RRAS2: variants seen among roughly 807,000 people sequenced by gnomAD.
RRAS2 encodes the protein RAS related 2.
In RRAS2, 7 loss-of-function variants were observed where a neutral mutation model predicts 27.6. That is an observed-to-expected ratio of 0.25 (90% CI 0.14 to 0.48). The LOEUF is 0.48. Among genes scored for constraint, RRAS2 ranks in the 20% least tolerant of loss-of-function variants. The pLI, the probability that RRAS2 is intolerant of heterozygous loss-of-function variation, is 0.99. For synonymous variants in RRAS2, 86 were observed against 90.9 expected (o/e 0.95, Z 0.31); for missense variants, 178 against 256.2 (o/e 0.69, Z 2.08).
intron 1 of RRAS2, among the ~76,000 whole-genome samples, chr11:14,310,057 T>C (rs1051935414): frequency 6.6e-6 from 1 of 152,214 alleles, no homozygotes; most frequent in Non-Finnish European, 1.5e-5. Flanking sequence ...GCCAGATCCG[T>C]GTTTACTTCC....
intron 1 of RRAS2, among the ~76,000 whole-genome samples, chr11:14,338,732 A>T (rs1484974496): frequency 6.6e-6 from 1 of 152,162 alleles, no homozygotes; most frequent in East Asian, 1.9e-4. Flanking sequence ...AACCACATTA[A>T]AAAGGGGTTT....
At chr11:14,331,194 G>A (rs945358791) in intron 1 of RRAS2, among the ~76,000 whole-genome samples, 1 of 152,170 alleles carries the variant, frequency 6.6e-6, no homozygotes, top group Non-Finnish European at 1.5e-5. Flanking sequence ...ACAAGTTTCT[G>A]TGAACCTAGA....
At chr11:14,344,577 A>G (rs2096578669) in intron 1 of RRAS2, among the ~76,000 whole-genome samples, 2 of 152,362 alleles carry the variant, frequency 1.3e-5, no homozygotes, top group African/African-American at 4.8e-5. Flanking sequence ...CTACCTGCTT[A>G]GCTTTCCTTT....
chr11:14,329,771 T>G (rs1848448068), intron 1 of RRAS2, among the ~76,000 whole-genome samples: 1 of 152,120 alleles, frequency 6.6e-6, no homozygotes, highest in East Asian at 1.9e-4. Context: ...CATTTTAAAT[T>G]AGGAAATTAA....
chr11:14,286,054 G>C (rs1849654414), intron 4 of RRAS2, among the ~76,000 whole-genome samples: 1 of 152,122 alleles, frequency 6.6e-6, no homozygotes, highest in South Asian at 2.1e-4. Flanking sequence ...AGACATTGTA[G>C]TTTTACTTCT....
chr11:14,359,674 T>C (rs1258648098), upstream of RRAS2, among the ~76,000 whole-genome samples: 1 of 152,208 alleles, frequency 6.6e-6, no homozygotes, highest in African/African-American at 2.4e-5. Context: ...GTGATTGAGC[T>C]TGCATGGGCA....
Position 14,358,785 on chromosome 11 carries a change from G to T in RRAS2, c.86C>A (p.Ala29Glu). ...VVGGGGVGKS[A>E]LTIQFIQSYF... is the part of the protein sequence containing the mutation. ...TACCTGGATGAACTGGATGGTGAGC[G>T]CCGACTTGCCCACGCCGCCCCCGCC... is the stretch of plus-strand genomic sequence containing the variant. Residue 29 changes from alanine (A) to glutamate (E), a missense_variant, in exon 1 of 6, where the codon GCG (alanine) becomes GAG (glutamate). Ala to Glu is a moderately radical substitution (Grantham distance 107). Transcript: ENST00000256196. This position sits in a 1 kb window ranked among gnomAD's most constrained non-coding sequence, Gnocchi z 5.1. 1 of 1,477,682 alleles carries T rather than the reference G, an allele frequency of 6.8e-7. No homozygotes were observed. 91.5% of individuals were successfully genotyped at this position (1,477,682 alleles called of 1,614,324 possible). A position where few individuals can be genotyped will look rare whatever the true frequency, so the allele number is the denominator to read the frequency against.
At chr11:14,310,237 G>A (rs1394488667) in intron 1 of RRAS2, among the ~76,000 whole-genome samples, 1 of 152,204 alleles carries the variant, frequency 6.6e-6, no homozygotes, top group Non-Finnish European at 1.5e-5. Context: ...AGAATACAGA[G>A]TGGTTTTGTA....
Position 14,358,979 on chromosome 11 carries a change from C to A in RRAS2, c.-109G>T, listed in dbSNP as rs1554955879. 3 of 1,147,614 alleles carry A rather than the reference C, an allele frequency of 2.6e-6. No individual in the cohort carries two copies. The highest frequency in any genetic ancestry group is 1.6e-5 in the African/African-American group (1 of 60,926). 71.1% of individuals were successfully genotyped at this position (1,147,614 alleles called of 1,614,324 possible). A position where few individuals can be genotyped will look rare whatever the true frequency, so the allele number is the denominator to read the frequency against. On this transcript the variant is annotated 5_prime_UTR_variant, in exon 1 of 6. Transcript: ENST00000256196. The surrounding 1 kb of genome is among the most constrained non-coding windows in gnomAD (Gnocchi z 5.1). ...GGCGGGCTGCGGGCGAGCGGCCGGG[C>A]TGGGGTCCCGGGTACCGGGAGGCGT...
At chr11:14,322,588 ATT>A (rs1554950438) in intron 1 of RRAS2, among the ~76,000 whole-genome samples, 2 of 152,182 alleles carry the variant, frequency 1.3e-5, no homozygotes, top group Admixed American at 6.5e-5. Flanking sequence ...TTTCCAAATT[ATT>A]TACCTAAGAA....
chr11:14,337,625 A>G (rs1185153711), intron 1 of RRAS2, among the ~76,000 whole-genome samples: 1 of 152,158 alleles, frequency 6.6e-6, no homozygotes, highest in East Asian at 1.9e-4. Context: ...CTAATCTCCT[A>G]CTGTGCCTAA....
intron 5 of RRAS2, 84 bp downstream of exon 5, chr11:14,281,518 G>A: frequency 9.3e-7 from 1 of 1,078,786 alleles, no homozygotes; most frequent in Non-Finnish European, 1.3e-6. Context: ...CCCTAGAAAG[G>A]AATCACTTCC....
chr11:14,338,462 T>A (rs1439080741), intron 1 of RRAS2, among the ~76,000 whole-genome samples: 1 of 152,200 alleles, frequency 6.6e-6, no homozygotes, highest in Non-Finnish European at 1.5e-5. Context: ...CTATACACTT[T>A]TTACACATAT....
At chr11:14,299,535 T>C (rs1352307104) in intron 1 of RRAS2, among the ~76,000 whole-genome samples, 1 of 152,204 alleles carries the variant, frequency 6.6e-6, no homozygotes, top group Non-Finnish European at 1.5e-5. Flanking sequence ...CCCTCCAGGT[T>C]TTATGTAGTA....
At chr11:14,362,611 A>G (rs1247789498), upstream of RRAS2, among the ~76,000 whole-genome samples, 1 of 152,240 alleles carries the variant, frequency 6.6e-6, no homozygotes, top group Non-Finnish European at 1.5e-5. Flanking sequence ...CTGACAGATA[A>G]TAAGTACATA....
chr11:14,352,773 A>G (rs1413734853), intron 1 of RRAS2, among the ~76,000 whole-genome samples: 1 of 149,568 alleles, frequency 6.7e-6, no homozygotes, highest in Non-Finnish European at 1.5e-5. Context: ...AGAGAGAGAG[A>G]GAGAGAGGGA....
intron 1 of RRAS2, among the ~76,000 whole-genome samples, chr11:14,334,631 T>A (rs1426750090): frequency 1.3e-5 from 2 of 152,002 alleles, no homozygotes; most frequent in Non-Finnish European, 2.9e-5. Flanking sequence ...TCTTCCTTGT[T>A]TCTAAAAACT....
Position 14,297,453 on chromosome 11 carries a change from C to T in RRAS2, c.109-1598G>A, listed in dbSNP as rs575549648. On this transcript the variant is annotated intron_variant, in intron 1 of 5. Coordinates refer to ENST00000256196, the MANE Select transcript of RRAS2 (RefSeq NM_012250.6). The stretch of plus-strand genomic sequence containing the variant: ...GACTTTACATATTTTTTTTGAAGGA[C>T]ACTTTCCACATTTTATTTAAGTCTT... 1.2e-4 allele frequency among the ~76,000 whole-genome samples: 19 copies of T among 152,256 alleles called. No homozygotes were observed. The South Asian group carries it at 3.9e-3, about 32-fold the overall frequency.
chr11:14,306,222 A>T (rs1158395197), intron 1 of RRAS2, among the ~76,000 whole-genome samples: 1 of 152,016 alleles, frequency 6.6e-6, no homozygotes, highest in East Asian at 1.9e-4. Context: ...GGCTACTCAA[A>T]TCGTTGCCCC....
Sources: allele counts gnomAD v4.1 joint callset (sites outside exome capture counted in the v4.1 genomes callset), GRCh38; gene constraint gnomAD v4.1.1; non-coding constraint Gnocchi (gnomAD v3.1); transcripts MANE v1.5; gene names NCBI Gene and HGNC (gene_info 2026-07-23, HGNC 2026-07-21).